FMNL2: variants seen among roughly 807,000 people sequenced by gnomAD.
FMNL2 encodes the protein formin-like protein 2.
In FMNL2, 51 loss-of-function variants were observed where a neutral mutation model predicts 130.2. The ratio of observed to expected loss-of-function variants is 0.39; its 90% CI spans 0.31 to 0.49. The LOEUF (loss-of-function observed/expected upper bound fraction) is 0.49, where lower values mean the gene tolerates loss of function less well. FMNL2 is among the 20% of genes least tolerant of loss of function. The probability of loss-of-function intolerance (pLI) is 0.85; values close to 1 mark genes in which losing one functional copy is unlikely to be tolerated. For missense variants in FMNL2, 977 were observed against 1,316.2 expected (o/e 0.74, Z 3.99); for synonymous variants, 465 against 467.1 (o/e 1.00, Z 0.06).
At chr2:152,428,700 G>A (rs1687317348) in intron 1 of FMNL2, among the ~76,000 whole-genome samples, 1 of 152,176 alleles carries the variant, frequency 6.6e-6, no homozygotes, top group Non-Finnish European at 1.5e-5. Context: ...TTTGAAATAA[G>A]AATTTATAGC....
chr2:152,599,998 A>G (rs564862079), intron 9 of FMNL2, among the ~76,000 whole-genome samples: 300 of 152,360 alleles, frequency 2.0e-3, no homozygotes, highest in Non-Finnish European at 3.0e-3. Flanking sequence ...TGACAGCCAC[A>G]GAACACCCCA....
intron 1 of FMNL2, among the ~76,000 whole-genome samples, chr2:152,394,738 C>G (rs569095605): frequency 7.6e-6 from 1 of 130,862 alleles, no homozygotes; most frequent in Non-Finnish European, 1.6e-5. Context: ...TTTTTTTTGG[C>G]CTTTGGAAGA....
At position 152,352,762 on chromosome 2, in the gene FMNL2, G is replaced by A. The variant is rs113736673; in HGVS notation, c.117+17042G>A. The stretch of plus-strand genomic sequence containing the variant: ...GTTGTCCTCTGAAGGCTTTCTGAAG[G>A]CTCTCTTTCAGACAACTGTCTCTGA... On this transcript the variant is annotated intron_variant, in intron 1 of 25. Coordinates refer to ENST00000288670, the MANE Select transcript of FMNL2 (RefSeq NM_052905.4). Among the ~76,000 whole-genome samples, 1,077 of 151,412 alleles carry A rather than the reference G, an allele frequency of 7.1e-3. 15 individuals are homozygous for A. The highest frequency in any genetic ancestry group is 0.025 in the African/African-American group (1,014 of 41,252).
intron 1 of FMNL2, among the ~76,000 whole-genome samples, chr2:152,412,500 A>G (rs1360793555): frequency 1.0e-5 from 1 of 100,100 alleles, no homozygotes; most frequent in Non-Finnish European, 2.0e-5. Flanking sequence ...ATATATATAT[A>G]TAAATTAGAA....
At chr2:152,571,439 A>G (rs1579988728) in intron 6 of FMNL2, among the ~76,000 whole-genome samples, 1 of 152,202 alleles carries the variant, frequency 6.6e-6, no homozygotes, top group Non-Finnish European at 1.5e-5. Flanking sequence ...AAAGTATACC[A>G]CAGTGAATTG....
intron 11 of FMNL2, among the ~76,000 whole-genome samples, chr2:152,612,260 C>T (rs759146388): frequency 5.7e-4 from 87 of 152,332 alleles, no homozygotes; most frequent in African/African-American, 1.9e-3. Context: ...ATGGCTCACA[C>T]CTGTAATTCC....
At chr2:152,367,319 G>T (rs968868437) in intron 1 of FMNL2, among the ~76,000 whole-genome samples, 5 of 152,012 alleles carry the variant, frequency 3.3e-5, no homozygotes, top group African/African-American at 1.2e-4. Flanking sequence ...CAAGTGATCC[G>T]CCCACCTTAG....
chr2:152,624,985 C>G (rs1343203205), intron 15 of FMNL2, among the ~76,000 whole-genome samples: 1 of 152,196 alleles, frequency 6.6e-6, no homozygotes, highest in Non-Finnish European at 1.5e-5. Flanking sequence ...TCTGCAGTCC[C>G]TGATCATCTT....
At chr2:152,540,429 G>T (rs1246782749) in intron 2 of FMNL2, among the ~76,000 whole-genome samples, 1 of 152,050 alleles carries the variant, frequency 6.6e-6, no homozygotes, top group African/African-American at 2.4e-5. Context: ...ACATTTGAAG[G>T]AATAATTAGA....
At chr2:152,595,538 C>T (rs182357117) in intron 9 of FMNL2, among the ~76,000 whole-genome samples, 14 of 152,042 alleles carry the variant, frequency 9.2e-5, no homozygotes, top group African/African-American at 7.2e-5. Flanking sequence ...AGGCTGGTCT[C>T]GAACTCCTGA....
At chr2:152,375,850 G>GCTCTCTCTCTCTCTCTCTCTCT (rs71394477) in intron 1 of FMNL2, among the ~76,000 whole-genome samples, 1 of 100,602 alleles carries the variant, frequency 9.9e-6, no homozygotes, top group African/African-American at 3.7e-5. Flanking sequence ...AGCCATTGAA[G>GCTCTCTCTCTCTCTCTCTCTCT]CTCTCTCTCT....
At chr2:152,406,637 C>T (rs1685998693) in intron 1 of FMNL2, among the ~76,000 whole-genome samples, 1 of 152,156 alleles carries the variant, frequency 6.6e-6, no homozygotes, top group Non-Finnish European at 1.5e-5. Flanking sequence ...TACCTTTTAT[C>T]TGAGTTGAGT....
intron 1 of FMNL2, among the ~76,000 whole-genome samples, chr2:152,440,667 G>A (rs1205559214): frequency 6.6e-6 from 1 of 152,214 alleles, no homozygotes; most frequent in Non-Finnish European, 1.5e-5. Context: ...AGAAGAGTAA[G>A]TTGTTACAGG....
chr2:152,433,818 T>C (rs1295342978), intron 1 of FMNL2, among the ~76,000 whole-genome samples: 1 of 152,192 alleles, frequency 6.6e-6, no homozygotes, highest in Non-Finnish European at 1.5e-5. Context: ...CCCCCATAAT[T>C]GGCCCCAACC....
intron 1 of FMNL2, among the ~76,000 whole-genome samples, chr2:152,407,203 T>TTG (rs1686032789): frequency 1.3e-5 from 2 of 151,318 alleles, no homozygotes; most frequent in Non-Finnish European, 2.9e-5. Context: ...TTTTTGTTTT[T>TTG]TTTTTCTTTC....
chr2:152,647,761 T>C (rs777589917), intron 25 of FMNL2, 35 bp from the exon 26 acceptor site: 17 of 1,597,360 alleles, frequency 1.1e-5, no homozygotes, highest in African/African-American at 2.7e-5. Flanking sequence ...CTATTAAAGG[T>C]TGCTATTCTC....
chr2:152,592,749 G>A (rs911690363), intron 9 of FMNL2, among the ~76,000 whole-genome samples: 3 of 152,098 alleles, frequency 2.0e-5, no homozygotes, highest in South Asian at 2.1e-4. Context: ...GCCTACTGAC[G>A]TCTCTAGTAA....
chr2:152,486,548 C>T (rs1426923708), intron 1 of FMNL2, among the ~76,000 whole-genome samples: 1 of 152,192 alleles, frequency 6.6e-6, no homozygotes, highest in Non-Finnish European at 1.5e-5. Context: ...CTTTTCTCAA[C>T]CCTTCTTATT....
intron 9 of FMNL2, among the ~76,000 whole-genome samples, chr2:152,591,918 G>A (rs1340620453): frequency 1.3e-5 from 2 of 152,100 alleles, no homozygotes; most frequent in South Asian, 2.1e-4. Flanking sequence ...CTTGGCCAAC[G>A]TGGTGAAACC....
Sources: gnomAD v4.1 joint callset for allele counts (sites outside exome capture counted in the v4.1 genomes callset) on GRCh38, gnomAD v4.1.1 for gene constraint, MANE v1.5 for transcripts, NCBI Gene and HGNC (gene_info 2026-07-23, HGNC 2026-07-21) for gene names.